UBOX5: variants seen among roughly 807,000 people sequenced by gnomAD.
UBOX5 encodes U-box domain containing 5.
Under a neutral mutation model 39.0 loss-of-function variants are expected in UBOX5, and 28 were observed. That is an observed-to-expected ratio of 0.72 (90% CI 0.53 to 0.98). UBOX5 has a LOEUF of 0.98. Among genes scored for constraint, UBOX5 ranks in the 50% least tolerant of loss-of-function variants. The pLI, the probability that UBOX5 is intolerant of heterozygous loss-of-function variation, is 0.00. For synonymous variants in UBOX5, 283 were observed against 275.5 expected, an observed-to-expected ratio of 1.03 and a Z score of -0.27; for missense variants, 585 against 674.4, an observed-to-expected ratio of 0.87 and a Z score of 1.47.
At chr20:3,146,038 T>C (rs1415039338) in intron 1 of UBOX5, among the ~76,000 whole-genome samples, 6 of 138,074 alleles carry the variant, frequency 4.3e-5, no homozygotes, top group Non-Finnish European at 6.1e-5. Context: ...CGAGGGAGAC[T>C]CCGTCTCAAA....
At chr20:3,123,047 G>A (rs2066350781) in intron 2 of UBOX5, among the ~76,000 whole-genome samples, 1 of 152,168 alleles carries the variant, frequency 6.6e-6, no homozygotes, top group Non-Finnish European at 1.5e-5. Context: ...TGACTTTGAC[G>A]AGACTGGAGA....
chr20:3,110,013 G>A lies in UBOX5; in HGVS notation c.*93C>T. 1 of 1,471,734 alleles carries A rather than the reference G, an allele frequency of 6.8e-7. No homozygotes were observed. Among genetic ancestry groups the A allele is most frequent in the South Asian group, 1.2e-5 (1 of 86,670 alleles). 91.2% of individuals were successfully genotyped at this position (1,471,734 alleles called of 1,614,324 possible). On this transcript the variant is annotated 3_prime_UTR_variant, in exon 5 of 5. Transcript: ENST00000217173. ...GAGGGAGCAGGCAGCTCTGTGCCTG[G>A]GGCCTGGCCAGACCTCAGGGGTGCT...
At chr20:3,124,601 G>A (rs904662213) in intron 1 of UBOX5, among the ~76,000 whole-genome samples, 4 of 151,716 alleles carry the variant, frequency 2.6e-5, no homozygotes, top group African/African-American at 9.7e-5. Flanking sequence ...GGGATGTGAG[G>A]AGAGCCTCTG....
At chr20:3,120,920 G>A (rs1025166355) in intron 3 of UBOX5, among the ~76,000 whole-genome samples, 1 of 152,156 alleles carries the variant, frequency 6.6e-6, no homozygotes, top group East Asian at 1.9e-4. Context: ...CCTCTGTGAC[G>A]GTTAGAAATA....
chr20:3,127,840 G>T (rs2066402228), intron 1 of UBOX5, among the ~76,000 whole-genome samples: 1 of 152,150 alleles, frequency 6.6e-6, no homozygotes, highest in Admixed American at 6.5e-5. Flanking sequence ...ATTAGCGTGT[G>T]TACATAAGTA....
At chr20:3,143,139 GCT>G (rs1385425926) in intron 1 of UBOX5, among the ~76,000 whole-genome samples, 4 of 124,286 alleles carry the variant, frequency 3.2e-5, no homozygotes, top group Non-Finnish European at 4.7e-5. Context: ...AGAGTCTCTG[GCT>G]CTGTTACCCA....
Position 3,149,294 on chromosome 20 carries a change from C to A in UBOX5, c.-42+10472G>T. 1 of 545,080 alleles carries A rather than the reference C, an allele frequency of 1.8e-6. No individual in the cohort carries two copies. Among genetic ancestry groups the A allele is most frequent in the Non-Finnish European group, 3.3e-6 (1 of 306,032 alleles). 33.8% of individuals were successfully genotyped at this position (545,080 alleles called of 1,614,324 possible). On this transcript the variant is annotated intron_variant, in intron 1 of 4. Transcript: ENST00000217173. The surrounding 1 kb of genome is among the most constrained non-coding windows in gnomAD (Gnocchi z 4.1). ...AGGGTAGATGAAGAATGAGTGGCTTCTACCTATAAAAGCATCCAAATTTAC... is the reference window on the plus strand; with the variant it reads ...AGGGTAGATGAAGAATGAGTGGCTTATACCTATAAAAGCATCCAAATTTAC...
In UBOX5 at chr20:3,149,015, G is replaced by A. The variant is rs2066598183; in HGVS notation, c.-42+10751C>T. The A allele has an allele frequency of 6.2e-7, 1 of 1,614,004 alleles. No homozygotes were observed. Among genetic ancestry groups the A allele is most frequent in the Non-Finnish European group, 8.5e-7 (1 of 1,179,974 alleles). On this transcript the variant is annotated intron_variant, in intron 1 of 4. Transcript: ENST00000217173. The surrounding 1 kb of genome is among the most constrained non-coding windows in gnomAD (Gnocchi z 4.1). ...ACTTCGGACTGCACCAAAGGCAGAAGGACTGCAAAATGCTCGGTATCTTAC... is the reference window on the plus strand; with the variant it reads ...ACTTCGGACTGCACCAAAGGCAGAAAGACTGCAAAATGCTCGGTATCTTAC...
In UBOX5 at chr20:3,146,801, T is replaced by G; in HGVS notation, c.-42+12965A>C. On this transcript the variant is annotated intron_variant, in intron 1 of 4. Coordinates refer to ENST00000217173, the MANE Select transcript of UBOX5 (RefSeq NM_014948.4). ...TCAGAGAGCAGAGGTGAATACTTTC[T>G]CATGAAGAAACGCCAACTTTTCTAA... The G allele has an allele frequency of 3.7e-6, 6 of 1,614,124 alleles. No individual in the cohort carries two copies. The Middle Eastern group carries it at 6.6e-4, about 178-fold the overall frequency.
intron 4 of UBOX5, among the ~76,000 whole-genome samples, chr20:3,110,879 T>G (rs112184449): frequency 6.7e-6 from 1 of 149,170 alleles, no homozygotes; most frequent in Non-Finnish European, 1.5e-5. Context: ...CATGGTCCAG[T>G]GCACCAAGGT....
chr20:3,137,551 G>T (rs1393266496), intron 1 of UBOX5, among the ~76,000 whole-genome samples: 1 of 152,210 alleles, frequency 6.6e-6, no homozygotes, highest in Non-Finnish European at 1.5e-5. Flanking sequence ...TTACAAGTGT[G>T]AGCCACCGTG....
Position 3,121,497 on chromosome 20 carries a change from G to A in UBOX5, c.1142C>T (p.Ala381Val), listed in dbSNP as rs2066335204. 1 of 1,613,922 alleles carries A rather than the reference G, an allele frequency of 6.2e-7. No homozygotes were observed. The highest frequency in any genetic ancestry group is 8.5e-7 in the Non-Finnish European group (1 of 1,180,034). The change falls in exon 3 of 5, where the codon GCT (alanine) becomes GTT (valine). Residue 381 changes from alanine (A) to valine (V), a missense_variant. Coordinates refer to ENST00000217173, the MANE Select transcript of UBOX5 (RefSeq NM_014948.4). ...AGGGCTTGTGGCAGAAAAACAGGAA[G>A]CATTTACACCAAAGTTACTGTCTGG... is the stretch of plus-strand genomic sequence containing the variant. ...HVPDSNFGVN[A>V]SCFSATSPLV...
At chr20:3,124,506 C>T (rs1219053457) in intron 1 of UBOX5, among the ~76,000 whole-genome samples, 2 of 152,240 alleles carry the variant, frequency 1.3e-5, no homozygotes, top group African/African-American at 4.8e-5. Flanking sequence ...GCCTTGACCT[C>T]CCAAAGTGCT....
intron 1 of UBOX5, chr20:3,135,991 T>C (rs1022877261): frequency 6.6e-6 from 1 of 152,172 alleles, no homozygotes; most frequent in Non-Finnish European, 1.5e-5. Flanking sequence ...AAGTCTGCTA[T>C]TAACCTCCTA....
chr20:3,142,404 C>T (rs2066524358), intron 1 of UBOX5, among the ~76,000 whole-genome samples: 2 of 151,842 alleles, frequency 1.3e-5, no homozygotes, highest in Admixed American at 1.3e-4. Flanking sequence ...AGTTTGAGAC[C>T]AGCCTGGCCA....
chr20:3,134,814 G>A (rs1306604148), intron 1 of UBOX5, among the ~76,000 whole-genome samples: 1 of 150,196 alleles, frequency 6.7e-6, no homozygotes, highest in Non-Finnish European at 1.5e-5. Flanking sequence ...GCACTTGGCC[G>A]ACACCGTGCC....
Position 3,115,401 on chromosome 20 carries a change from A to T in UBOX5, c.1321T>A (p.Ser441Thr). Residue 441 changes from serine (S) to threonine (T), a missense_variant, in exon 4 of 5, where the codon TCT becomes ACT. Transcript: ENST00000217173. The part of the protein sequence containing the change: ...LEIALASTLG[S>T]MPSFTARLTR... ...AGCCGTGCCGTGAAGGAGGGCATAGAGCCAAGGGTGGATGCCAAGGCAATT... is the reference window on the plus strand; with the variant it reads ...AGCCGTGCCGTGAAGGAGGGCATAGTGCCAAGGGTGGATGCCAAGGCAATT... 1 of 1,614,172 alleles carries T rather than the reference A, an allele frequency of 6.2e-7. No homozygotes were observed. The highest frequency in any genetic ancestry group is 1.3e-5 in the African/African-American group (1 of 75,066).
At chr20:3,119,084 C>T (rs1203640558) in intron 3 of UBOX5, among the ~76,000 whole-genome samples, 6 of 152,250 alleles carry the variant, frequency 3.9e-5, no homozygotes, top group African/African-American at 1.4e-4. Context: ...TAACAAATAC[C>T]TTGGGAAAAA....
At chr20:3,144,645 A>G (rs1274293299) in intron 1 of UBOX5, among the ~76,000 whole-genome samples, 2 of 152,240 alleles carry the variant, frequency 1.3e-5, no homozygotes, top group Non-Finnish European at 2.9e-5. Flanking sequence ...AAAATTAAAA[A>G]CAGAAAGTGA....
Sources: gnomAD v4.1 joint callset for allele counts (sites outside exome capture counted in the v4.1 genomes callset) on GRCh38, gnomAD v4.1.1 for gene constraint, Gnocchi (gnomAD v3.1) non-coding constraint, MANE v1.5 for transcripts, NCBI Gene and HGNC (gene_info 2026-07-23, HGNC 2026-07-21) for gene names.